The following ZC3H12B variants were observed in gnomAD, a reference collection of about 807,000 sequenced individuals.
ZC3H12B encodes probable ribonuclease ZC3H12B.
Under a neutral mutation model 43.9 loss-of-function variants are expected in ZC3H12B, and 7 were observed. The ratio of observed to expected loss-of-function variants is 0.16; its 90% CI spans 0.09 to 0.30. ZC3H12B has a LOEUF of 0.30. Among genes scored for constraint, ZC3H12B ranks in the 10% least tolerant of loss-of-function variants. The probability of loss-of-function intolerance (pLI) is 1.00; values close to 1 mark genes in which losing one functional copy is unlikely to be tolerated. For synonymous variants in ZC3H12B, 222 were observed against 241.7 expected (o/e 0.92, Z 0.76); for missense variants, 475 against 670.2 (o/e 0.71, Z 3.22).
chrX:65,046,048 C>T, the ZC3H12B span, among the ~76,000 whole-genome samples: 1 of 111,453 alleles, frequency 9.0e-6, no homozygotes, highest in Non-Finnish European at 1.9e-5. Context: ...GATGTGCTGT[C>T]CTCCAGGCTT....
chrX:65,343,200 A>T, the ZC3H12B span, among the ~76,000 whole-genome samples: 1 of 111,141 alleles, frequency 9.0e-6, no homozygotes, highest in East Asian at 2.8e-4. Context: ...TTTTAAAAAA[A>T]ATAAAGCCCA....
chrX:65,387,507 A>AT (rs764218612), intron 2 of ZC3H12B, among the ~76,000 whole-genome samples: 2 of 111,632 alleles, frequency 1.8e-5, no homozygotes, highest in Admixed American at 9.5e-5. Flanking sequence ...ATCTTCCTCC[A>AT]TCCCTTTATT....
the ZC3H12B span, among the ~76,000 whole-genome samples, chrX:65,277,272 G>A: frequency 9.0e-6 from 1 of 111,535 alleles, no homozygotes; most frequent in Non-Finnish European, 1.9e-5. Flanking sequence ...AATAGTTGGG[G>A]AGTTCAACAC....
chrX:65,479,367 ATTT>A (rs57725933), intron 3 of ZC3H12B, among the ~76,000 whole-genome samples: 48 of 91,875 alleles, frequency 5.2e-4, no homozygotes, highest in African/African-American at 1.9e-3. Flanking sequence ...CACTATTTGT[ATTT>A]TTTTTTTTTT....
the ZC3H12B span, among the ~76,000 whole-genome samples, chrX:65,231,706 G>A: frequency 5.0e-3 from 550 of 110,961 alleles, 3 homozygotes; most frequent in African/African-American, 0.017. Context: ...GCCCGACCCC[G>A]CAGGCAGTCA....
the ZC3H12B span, among the ~76,000 whole-genome samples, chrX:65,345,585 T>A: frequency 3.6e-5 from 4 of 111,246 alleles, no homozygotes; most frequent in Non-Finnish European, 7.5e-5. Flanking sequence ...GAAAAATAAC[T>A]AATGGGTACT....
At chrX:65,062,734 A>T in the ZC3H12B span, among the ~76,000 whole-genome samples, 1 of 112,063 alleles carries the variant, frequency 8.9e-6, no homozygotes, top group Non-Finnish European at 1.9e-5. Context: ...CATTGAATCT[A>T]TAAATTACTT....
intron 2 of ZC3H12B, among the ~76,000 whole-genome samples, chrX:65,388,507 C>T (rs2066563377): frequency 8.9e-6 from 1 of 111,777 alleles, no homozygotes; most frequent in Non-Finnish European, 1.9e-5. Flanking sequence ...CCTTTAAGGA[C>T]TTCTCTGCAT....
the ZC3H12B span, among the ~76,000 whole-genome samples, chrX:65,119,510 A>G: frequency 3.6e-5 from 4 of 111,126 alleles, no homozygotes; most frequent in African/African-American, 1.3e-4. Context: ...TTTTTCTTGT[A>G]AATTTGTTTG....
chrX:65,215,091 G>A, the ZC3H12B span, among the ~76,000 whole-genome samples: 1 of 111,697 alleles, frequency 9.0e-6, no homozygotes, highest in Non-Finnish European at 1.9e-5. Flanking sequence ...ATAAACAGAT[G>A]TACTCTCATC....
chrX:65,401,512 G>A lies in ZC3H12B; in HGVS notation n.407+2808G>A, dbSNP rs753273941. Among the ~76,000 whole-genome samples the A allele has an allele frequency of 6.3e-5, 7 of 111,776 alleles. No homozygotes were observed. The South Asian group carries it at 2.6e-3, about 42-fold the overall frequency. On this transcript the variant is annotated intron_variant and non_coding_transcript_variant, in intron 3 of 5. Transcript: ENST00000617377. The stretch of plus-strand genomic sequence containing the variant: ...ACCTGAAAAGCATTCTAGGTCATCA[G>A]GACTGCAACTGTTAGGCAAGTCATA...
At chrX:65,099,362 C>A in the ZC3H12B span, among the ~76,000 whole-genome samples, 1 of 111,793 alleles carries the variant, frequency 8.9e-6, no homozygotes, top group East Asian at 2.8e-4. Flanking sequence ...TCTCCAACCA[C>A]AGTGCTCAAG....
the ZC3H12B span, among the ~76,000 whole-genome samples, chrX:65,287,130 A>G: frequency 9.0e-6 from 1 of 111,185 alleles, no homozygotes; most frequent in Non-Finnish European, 1.9e-5. Flanking sequence ...CAGATTATCT[A>G]GACAGAACAT....
chrX:65,206,427 A>G, the ZC3H12B span, among the ~76,000 whole-genome samples: 1 of 112,059 alleles, frequency 8.9e-6, no homozygotes, highest in East Asian at 2.8e-4. Flanking sequence ...CACCCTATTC[A>G]ACAAATGGTG....
At chrX:65,314,056 A>T in the ZC3H12B span, among the ~76,000 whole-genome samples, 12 of 111,782 alleles carry the variant, frequency 1.1e-4, no homozygotes, top group African/African-American at 3.9e-4. Context: ...TCAATAGCAG[A>T]ATTGGGATGA....
At chrX:65,263,429 G>C in the ZC3H12B span, among the ~76,000 whole-genome samples, 1 of 110,397 alleles carries the variant, frequency 9.1e-6, no homozygotes, top group Non-Finnish European at 1.9e-5. Flanking sequence ...GAGCATCCTA[G>C]GTAGAGCAAA....
intron 2 of ZC3H12B, among the ~76,000 whole-genome samples, chrX:65,390,726 G>A (rs375915694): frequency 1.0e-4 from 11 of 106,159 alleles, no homozygotes; most frequent in South Asian, 4.2e-4. Flanking sequence ...TCAAATATAC[G>A]TAAGAGATAT....
chrX:65,256,722 A>G, the ZC3H12B span, among the ~76,000 whole-genome samples: 68 of 111,946 alleles, frequency 6.1e-4, no homozygotes, highest in African/African-American at 2.1e-3. Flanking sequence ...GACATGAAAA[A>G]CCACACAAAA....
At chrX:65,477,561 G>A (rs2068010480) in intron 3 of ZC3H12B, among the ~76,000 whole-genome samples, 2 of 111,511 alleles carry the variant, frequency 1.8e-5, no homozygotes, top group Admixed American at 1.9e-4. Context: ...CACTTTGGGA[G>A]GCCAAGGTGG....
Sources: gnomAD v4.1 joint callset for allele counts (sites outside exome capture counted in the v4.1 genomes callset) on GRCh38, gnomAD v4.1.1 for gene constraint, MANE v1.5 for transcripts, NCBI Gene and HGNC (gene_info 2026-07-23, HGNC 2026-07-21) for gene names.